The following ARSJ variants were observed in gnomAD, a reference collection of about 807,000 sequenced individuals.
ARSJ encodes arylsulfatase J.
ARSJ carries 26 observed loss-of-function variants against 35.9 expected under a neutral mutation model. That is an observed-to-expected ratio of 0.72 (90% CI 0.53 to 1.00). ARSJ has a LOEUF of 1.00. Ranked by LOEUF, ARSJ falls within the 50% of genes least tolerant of loss-of-function variation. The pLI is 0.00. For synonymous variants in ARSJ, 294 were observed against 267.6 expected, an observed-to-expected ratio of 1.10 and a Z score of -0.96; for missense variants, 667 against 723.6, an observed-to-expected ratio of 0.92 and a Z score of 0.90.
intron 1 of ARSJ, among the ~76,000 whole-genome samples, chr4:113,921,131 T>C (rs1723651315): frequency 6.6e-6 from 1 of 150,470 alleles, no homozygotes; most frequent in African/African-American, 2.5e-5. Flanking sequence ...TAAATAATCA[T>C]AACTGTGAAA....
chr4:113,931,189 G>GA lies in ARSJ; in HGVS notation c.399-27515dup, dbSNP rs369963544. Among the ~76,000 whole-genome samples, 1,319 of 148,382 alleles carry GA rather than the reference G, an allele frequency of 8.9e-3. 17 individuals carry two copies. The highest frequency in any genetic ancestry group is 0.03 in the African/African-American group (1,218 of 40,322). On this transcript the variant is annotated intron_variant, in intron 1 of 1. Transcript: ENST00000315366. Reference sequence around the variant, plus strand: ...ATAAAGTATAATTTAAAAAAAAATAGAAAAAAAAAAGTATAAATAAATGTA... The same window carrying GA: ...ATAAAGTATAATTTAAAAAAAAATAGAAAAAAAAAAAGTATAAATAAATGTA...
intron 1 of ARSJ, among the ~76,000 whole-genome samples, chr4:113,967,539 T>C (rs1726971293): frequency 6.6e-6 from 1 of 152,216 alleles, no homozygotes; most frequent in African/African-American, 2.4e-5. Context: ...CTACAGGCTT[T>C]AAGTAACCTA....
intron 1 of ARSJ, among the ~76,000 whole-genome samples, chr4:113,958,775 TC>T (rs1241223042): frequency 2.6e-5 from 4 of 152,048 alleles, no homozygotes; most frequent in African/African-American, 9.6e-5. Context: ...CTCTCTCATT[TC>T]TTTAATCTTC....
chr4:113,959,901 T>C (rs1441699880), intron 1 of ARSJ, among the ~76,000 whole-genome samples: 3 of 152,036 alleles, frequency 2.0e-5, no homozygotes, highest in Non-Finnish European at 4.4e-5. Context: ...AGCCACCCAA[T>C]AGATTTTTTT....
At chr4:113,906,593 T>C (rs755107260) in intron 1 of ARSJ, 16 of 321,454 alleles carry the variant, frequency 5.0e-5, no homozygotes, top group Non-Finnish European at 8.6e-5. Context: ...CCAGCCTCTA[T>C]GGTGGAATAG....
At chr4:113,911,563 A>C (rs1357599690) in intron 1 of ARSJ, among the ~76,000 whole-genome samples, 5 of 152,126 alleles carry the variant, frequency 3.3e-5, no homozygotes, top group African/African-American at 1.2e-4. Context: ...GAGACATTTG[A>C]TAGGGTTACA....
At chr4:113,958,740 G>C (rs1726353383) in intron 1 of ARSJ, among the ~76,000 whole-genome samples, 1 of 152,046 alleles carries the variant, frequency 6.6e-6, no homozygotes, top group Non-Finnish European at 1.5e-5. Context: ...AGGCTGAGAA[G>C]AGGGTGATTG....
chr4:113,941,366 C>T (rs1285036704), intron 1 of ARSJ, among the ~76,000 whole-genome samples: 2 of 151,910 alleles, frequency 1.3e-5, no homozygotes, highest in Admixed American at 6.6e-5. Context: ...CGTTTTGATT[C>T]AGAAAATGTT....
chr4:113,940,341 G>A (rs190654069), intron 1 of ARSJ, among the ~76,000 whole-genome samples: 1 of 152,086 alleles, frequency 6.6e-6, no homozygotes, highest in African/African-American at 2.4e-5. Context: ...CCTTTGCAGG[G>A]ACATGGATGG....
At chr4:113,972,730 A>G (rs997688670) in intron 1 of ARSJ, among the ~76,000 whole-genome samples, 1 of 152,146 alleles carries the variant, frequency 6.6e-6, no homozygotes, top group African/African-American at 2.4e-5. Context: ...TCTGGTCTCA[A>G]AGCAAAATCC....
At chr4:113,953,624 A>G (rs1725993908) in intron 1 of ARSJ, among the ~76,000 whole-genome samples, 1 of 152,206 alleles carries the variant, frequency 6.6e-6, no homozygotes, top group Non-Finnish European at 1.5e-5. Context: ...TACTGGCCAC[A>G]TAAACATGGC....
intron 1 of ARSJ, among the ~76,000 whole-genome samples, chr4:113,963,613 A>C: frequency 6.6e-6 from 1 of 152,016 alleles, no homozygotes; most frequent in East Asian, 1.9e-4. Flanking sequence ...TTTGGGTAGG[A>C]ACAAAGCCAA....
At chr4:113,973,405 C>T (rs527742580) in intron 1 of ARSJ, among the ~76,000 whole-genome samples, 1 of 152,222 alleles carries the variant, frequency 6.6e-6, no homozygotes, top group Admixed American at 6.5e-5. Flanking sequence ...CATAGTATTC[C>T]CCCTTTCTTT....
At chr4:113,972,582 T>C (rs896400734) in intron 1 of ARSJ, among the ~76,000 whole-genome samples, 1 of 152,164 alleles carries the variant, frequency 6.6e-6, no homozygotes, top group Non-Finnish European at 1.5e-5. Flanking sequence ...CAATCATAAC[T>C]CTTTGCAGCC....
Position 113,902,062 on chromosome 4 carries a change from T to C in ARSJ, c.*212A>G, listed in dbSNP as rs986766794. The C allele has an allele frequency of 6.9e-7, 1 of 1,458,310 alleles. No individual in the cohort carries two copies. The highest frequency in any genetic ancestry group is 1.2e-5 in the South Asian group (1 of 82,076). The allele number at this position is 1,458,310 out of a possible 1,614,324, so 90.3% of individuals were successfully genotyped here. A position where few individuals can be genotyped will look rare whatever the true frequency, so the allele number is the denominator to read the frequency against. On this transcript the variant is annotated 3_prime_UTR_variant, in exon 2 of 2. Transcript: ENST00000315366. ...GAGAAATAAACATCTCCACTCTCTC[T>C]AAGTGTGGCTTGCAAGAGTAGCACC... is the stretch of plus-strand genomic sequence containing the variant.
intron 1 of ARSJ, among the ~76,000 whole-genome samples, chr4:113,941,216 C>T (rs1164551215): frequency 6.6e-6 from 1 of 152,022 alleles, no homozygotes; most frequent in Non-Finnish European, 1.5e-5. Flanking sequence ...AAATACAATG[C>T]ACTTTTCAGT....
At chr4:113,928,742 A>G (rs892429882) in intron 1 of ARSJ, among the ~76,000 whole-genome samples, 2 of 152,196 alleles carry the variant, frequency 1.3e-5, no homozygotes, top group Non-Finnish European at 2.9e-5. Context: ...GATCTGACAT[A>G]CAGAGAAGAG....
intron 1 of ARSJ, among the ~76,000 whole-genome samples, chr4:113,921,031 G>A (rs978668971): frequency 6.6e-6 from 1 of 150,974 alleles, no homozygotes; most frequent in Admixed American, 6.6e-5. Flanking sequence ...AGTTGATTTA[G>A]ATTCATCCAA....
intron 1 of ARSJ, among the ~76,000 whole-genome samples, chr4:113,953,593 A>C (rs1233262859): frequency 1.3e-5 from 2 of 152,054 alleles, no homozygotes; most frequent in Admixed American, 6.6e-5. Flanking sequence ...TTCCAATAGG[A>C]TCTGCACCTC....
Sources: gnomAD v4.1 joint callset for allele counts (sites outside exome capture counted in the v4.1 genomes callset) on GRCh38, gnomAD v4.1.1 for gene constraint, MANE v1.5 for transcripts, NCBI Gene and HGNC (gene_info 2026-07-23, HGNC 2026-07-21) for gene names.